Variants in MARCHF1 observed in about 807,000 individuals in gnomAD.
The protein encoded by MARCHF1 is membrane associated ring-CH-type finger 1, also known as E3 ubiquitin-protein ligase MARCHF1.
A neutral mutation model predicts 54.2 loss-of-function variants in MARCHF1; 40 were observed. The observed-to-expected ratio is 0.74, with a 90% confidence interval of 0.57 to 0.96. The LOEUF (loss-of-function observed/expected upper bound fraction) is 0.96, where lower values mean the gene tolerates loss of function less well. Among genes scored for constraint, MARCHF1 ranks in the 40% least tolerant of loss-of-function variants. The pLI is 0.00. For synonymous variants in MARCHF1, 236 were observed against 236.3 expected, an observed-to-expected ratio of 1.00 and a Z score of 0.01; for missense variants, 586 against 656.5, an observed-to-expected ratio of 0.89 and a Z score of 1.17.
At chr4:164,178,958 G>T (rs188922353) in intron 1 of MARCHF1, among the ~76,000 whole-genome samples, 63 of 152,050 alleles carry the variant, frequency 4.1e-4, no homozygotes, top group African/African-American at 1.5e-3. Flanking sequence ...CCCCAACCCC[G>T]AGATGAAATG....
intron 1 of MARCHF1, among the ~76,000 whole-genome samples, chr4:164,260,042 G>T (rs1256357355): frequency 1.3e-5 from 2 of 152,092 alleles, no homozygotes; most frequent in Admixed American, 6.6e-5. Flanking sequence ...TATAACCGGG[G>T]TGAGAATCAC....
rs138123645 is a variant in MARCHF1 at position 163,593,183 on chromosome 4, C to T, written c.1011-7254G>A. On this transcript the variant is annotated intron_variant, in intron 7 of 9. Transcript: ENST00000514618. The stretch of plus-strand genomic sequence containing the variant: ...AAGTAAATAGATAATATATATTGAA[C>T]GAATATCCGAAGGTTATGATTTTCT... Among the ~76,000 whole-genome samples, 24 of 152,180 alleles carry T rather than the reference C, an allele frequency of 1.6e-4. No homozygotes were observed. The East Asian group carries it at 3.5e-3, about 22-fold the overall frequency.
At chr4:163,578,435 A>G (rs1740109795) in intron 8 of MARCHF1, among the ~76,000 whole-genome samples, 1 of 152,142 alleles carries the variant, frequency 6.6e-6, no homozygotes, top group Admixed American at 6.5e-5. Flanking sequence ...TATCCAGCCA[A>G]CAATTATTAT....
At chr4:164,097,226 A>G (rs1755435394) in intron 2 of MARCHF1, among the ~76,000 whole-genome samples, 1 of 152,172 alleles carries the variant, frequency 6.6e-6, no homozygotes, top group African/African-American at 2.4e-5. Flanking sequence ...ATATTTCGCC[A>G]AGAAAGATTG....
At chr4:163,575,495 G>T (rs892985894) in intron 8 of MARCHF1, among the ~76,000 whole-genome samples, 10 of 152,094 alleles carry the variant, frequency 6.6e-5, no homozygotes, top group African/African-American at 2.4e-4. Context: ...GTTCATCAGG[G>T]TTGCTGGGCT....
At chr4:163,642,179 G>T (rs1004528072) in intron 5 of MARCHF1, among the ~76,000 whole-genome samples, 3 of 152,132 alleles carry the variant, frequency 2.0e-5, no homozygotes, top group Non-Finnish European at 4.4e-5. Flanking sequence ...AATATGTGGC[G>T]GTGCCAGTGA....
chr4:164,076,522 G>A (rs1364581746), intron 2 of MARCHF1, among the ~76,000 whole-genome samples: 14 of 152,160 alleles, frequency 9.2e-5, no homozygotes, highest in Non-Finnish European at 5.9e-5. Flanking sequence ...TCAACATAGT[G>A]TTGGAAGTTG....
At chr4:163,689,326 G>A (rs1052719889) in intron 5 of MARCHF1, among the ~76,000 whole-genome samples, 1 of 152,118 alleles carries the variant, frequency 6.6e-6, no homozygotes, top group Admixed American at 6.5e-5. Context: ...TTTTCTAGCT[G>A]TACTGAAAAT....
At position 164,258,944 on chromosome 4, in the gene MARCHF1, ATATAT is replaced by A. The variant is rs138229927; in HGVS notation, c.-323+124921_-323+124925del. 6.7e-4 allele frequency among the ~76,000 whole-genome samples: 102 copies of A among 152,332 alleles called. 2 individuals carry two copies. In the East Asian group the frequency reaches 0.016, roughly 24 times the overall value. On this transcript the variant is annotated intron_variant, in intron 1 of 9. Coordinates refer to ENST00000514618, the MANE Select transcript of MARCHF1 (RefSeq NM_001394959.1). ...ACAAAATGAGATTATAAAATCAAAC[ATATAT>A]TATAGTAATTGAAAGTCTGTTCATA...
At chr4:164,169,489 T>C (rs1243573106) in intron 1 of MARCHF1, among the ~76,000 whole-genome samples, 1 of 152,030 alleles carries the variant, frequency 6.6e-6, no homozygotes, top group Non-Finnish European at 1.5e-5. Flanking sequence ...AAATCTTACA[T>C]CAAAATGCTG....
At chr4:164,292,980 C>T (rs145414384) in intron 1 of MARCHF1, among the ~76,000 whole-genome samples, 76 of 152,244 alleles carry the variant, frequency 5.0e-4, no homozygotes, top group Middle Eastern at 6.8e-3. Context: ...TCATTTGACT[C>T]TCCAGTCATT....
chr4:163,848,880 T>C (rs1472565355), intron 4 of MARCHF1, among the ~76,000 whole-genome samples: 2 of 152,152 alleles, frequency 1.3e-5, no homozygotes, highest in East Asian at 3.8e-4. Context: ...AAAAAATAAC[T>C]ACTCTTTTCA....
rs1553990641 is a variant in MARCHF1 at position 163,545,586 on chromosome 4, G to A, written c.1339+10C>T. The A allele has an allele frequency of 4.3e-6, 7 of 1,610,046 alleles. No individual in the cohort carries two copies. Among genetic ancestry groups the A allele is most frequent in the South Asian group, 3.3e-5 (3 of 90,350 alleles). ...GATCCAAGAGGGTAAGAAGAAAGATGTGCTCTTACCATTGTCATTGCCTTG... is the reference window on the plus strand; with the variant it reads ...GATCCAAGAGGGTAAGAAGAAAGATATGCTCTTACCATTGTCATTGCCTTG... On this transcript the variant is annotated intron_variant, in intron 9 of 9. Coordinates refer to ENST00000514618, the MANE Select transcript of MARCHF1 (RefSeq NM_001394959.1).
intron 4 of MARCHF1, among the ~76,000 whole-genome samples, chr4:163,803,337 C>A (rs1188038992): frequency 6.6e-6 from 1 of 152,044 alleles, no homozygotes; most frequent in Non-Finnish European, 1.5e-5. Context: ...CCACGCCTGG[C>A]TAATTTTGTA....
At chr4:163,901,509 C>A (rs1750940473) in intron 3 of MARCHF1, among the ~76,000 whole-genome samples, 1 of 152,134 alleles carries the variant, frequency 6.6e-6, no homozygotes, top group Non-Finnish European at 1.5e-5. Context: ...GTAGGAGCAG[C>A]CTTCTCTTTT....
At chr4:164,188,993 G>A in intron 1 of MARCHF1, 2 of 710,578 alleles carry the variant, frequency 2.8e-6, no homozygotes, top group Admixed American at 3.9e-5. Context: ...TATGGCAGCT[G>A]CTATTGGTTA....
intron 1 of MARCHF1, among the ~76,000 whole-genome samples, chr4:164,297,601 A>T (rs1398410322): frequency 6.6e-6 from 1 of 152,186 alleles, no homozygotes; most frequent in Non-Finnish European, 1.5e-5. Flanking sequence ...ACATGGCATA[A>T]TATTCTAGGT....
chr4:164,309,287 CGT>C (rs1183349339), intron 1 of MARCHF1, among the ~76,000 whole-genome samples: 25 of 137,976 alleles, frequency 1.8e-4, no homozygotes, highest in East Asian at 6.1e-4. Flanking sequence ...TGTGTGTGCG[CGT>C]GTGTGTCTGT....
chr4:164,155,195 T>C (rs748299340), intron 1 of MARCHF1, among the ~76,000 whole-genome samples: 9 of 152,188 alleles, frequency 5.9e-5, no homozygotes, highest in Non-Finnish European at 1.0e-4. Context: ...CTGTTCTTAC[T>C]TGGGTCTGTG....
Sources: allele counts gnomAD v4.1 joint callset (sites outside exome capture counted in the v4.1 genomes callset), GRCh38; gene constraint gnomAD v4.1.1; transcripts MANE v1.5; gene names NCBI Gene and HGNC (gene_info 2026-07-23, HGNC 2026-07-21).